Variants in C5orf24 observed in about 807,000 individuals in gnomAD.
C5orf24 encodes chromosome 5 open reading frame 24.
In C5orf24, 4 loss-of-function variants were observed where a neutral mutation model predicts 9.8. The observed-to-expected ratio is 0.41, with a 90% CI of 0.20 to 0.93. The LOEUF (loss-of-function observed/expected upper bound fraction) is 0.93. Ranked by LOEUF, C5orf24 falls within the 40% of genes least tolerant of loss-of-function variation. The probability of loss-of-function intolerance (pLI) is 0.33; values close to 1 mark genes in which losing one functional copy is unlikely to be tolerated. For missense variants in C5orf24, 170 were observed against 236.9 expected (o/e 0.72, Z 1.85); for synonymous variants, 73 against 81.3 (o/e 0.90, Z 0.55).
Position 134,855,690 on chromosome 5 carries a change from C to T in C5orf24, c.*223C>T. ...TTGTACATAGGTTCAAGTGTAACAC[C>T]TAACTAAATCATTTTTCCTTTTCCT... On this transcript the variant is annotated 3_prime_UTR_variant, in exon 2 of 2. Transcript: ENST00000394976. 13 of 1,415,148 alleles carry T rather than the reference C, an allele frequency of 9.2e-6. No homozygotes were observed. Among genetic ancestry groups the T allele is most frequent in the Non-Finnish European group, 1.1e-5 (12 of 1,085,904 alleles). The allele number at this position is 1,415,148 out of a possible 1,614,324, so 87.7% of individuals were successfully genotyped here. A position where few individuals can be genotyped will look rare whatever the true frequency, so the allele number is the denominator to read the frequency against.
intron 1 of C5orf24, among the ~76,000 whole-genome samples, chr5:134,848,583 C>T (rs1270718087): frequency 2.7e-5 from 4 of 146,826 alleles, no homozygotes; most frequent in South Asian, 4.3e-4. Context: ...ATTGCTTGAA[C>T]CCGGGAGGTG....
rs1756391741 is a variant in C5orf24, at chr5:134,859,433, T to A, written c.*3966T>A. 1 of 166,980 alleles carries A rather than the reference T, an allele frequency of 6.0e-6. No homozygotes were observed. The highest frequency in any genetic ancestry group is 6.5e-5 in the Admixed American group (1 of 15,272). 10.3% of individuals were successfully genotyped at this position (166,980 alleles called of 1,614,324 possible). ...GTAATGTATTTAATTTTTGGAAAAT[T>A]TAATGCTATATAGTAAATCAAGTGT... On this transcript the variant is annotated 3_prime_UTR_variant, in exon 2 of 2. Transcript: ENST00000394976.
At chr5:134,842,387 G>A (rs972808748), upstream of C5orf24, among the ~76,000 whole-genome samples, 7 of 152,012 alleles carry the variant, frequency 4.6e-5, no homozygotes, top group Non-Finnish European at 1.0e-4. Flanking sequence ...CTACTCAGGA[G>A]GCTGAGGCAG....
At chr5:134,851,116 C>G (rs1756149596) in intron 1 of C5orf24, among the ~76,000 whole-genome samples, 1 of 150,440 alleles carries the variant, frequency 6.6e-6, no homozygotes, top group South Asian at 2.1e-4. Context: ...TTAGTAGAAA[C>G]AGGGTTTTGC....
chr5:134,845,941 C>T (rs928233669), upstream of C5orf24: 4 of 152,182 alleles, frequency 2.6e-5, no homozygotes, highest in African/African-American at 7.2e-5. Context: ...CGTGCGCGGC[C>T]CTCGCGAGCT....
At chr5:134,841,280 T>C (rs181858603), upstream of C5orf24, among the ~76,000 whole-genome samples, 1 of 152,158 alleles carries the variant, frequency 6.6e-6, no homozygotes, top group East Asian at 1.9e-4. Context: ...AAAATCTCAG[T>C]GATTTCTTTT....
At chr5:134,853,219 G>C (rs1315705969) in intron 1 of C5orf24, among the ~76,000 whole-genome samples, 1 of 151,916 alleles carries the variant, frequency 6.6e-6, no homozygotes, top group Non-Finnish European at 1.5e-5. Context: ...AAATTAGCCA[G>C]GCGTGGTGGC....
At chr5:134,854,801 A>G (rs1756263304) in intron 1 of C5orf24, 97 bp from the exon 2 acceptor site, 2 of 1,327,140 alleles carry the variant, frequency 1.5e-6, no homozygotes, top group Non-Finnish European at 2.1e-6. Context: ...TAGCCTGCAT[A>G]GTTGTTGGAA....
intron 1 of C5orf24, among the ~76,000 whole-genome samples, chr5:134,850,994 A>ATT (rs1561886558): frequency 1.4e-4 from 21 of 147,600 alleles, no homozygotes; most frequent in South Asian, 4.3e-4. Flanking sequence ...AGAAATACAT[A>ATT]TATTTATTTA....
intron 1 of C5orf24, among the ~76,000 whole-genome samples, chr5:134,853,862 C>G (rs1006621740): frequency 1.3e-5 from 2 of 152,190 alleles, no homozygotes; most frequent in Non-Finnish European, 2.9e-5. Context: ...GCGGGCAGAT[C>G]ACGAGGTCAG....
Position 134,857,347 on chromosome 5 carries a change from T to A in C5orf24, c.*1880T>A. 6.5e-7 allele frequency: 1 copy of A among 1,546,988 alleles called. No homozygotes were observed. Among genetic ancestry groups the A allele is most frequent in the Non-Finnish European group, 8.7e-7 (1 of 1,144,526 alleles). ...CAAATGGATGTCATGTTTCATACCT[T>A]TTTTATCAGGAAAAAAGCAGCAAGC... On this transcript the variant is annotated 3_prime_UTR_variant, in exon 2 of 2. Transcript: ENST00000394976.
upstream of C5orf24, among the ~76,000 whole-genome samples, chr5:134,842,163 G>T (rs1010641708): frequency 1.3e-5 from 2 of 152,100 alleles, no homozygotes; most frequent in Non-Finnish European, 2.9e-5. Context: ...GCACTATTTT[G>T]CATGGTTATA....
At chr5:134,846,300 G>C (rs1755991403) in intron 1 of C5orf24, 88 bp downstream of exon 1, 1 of 152,470 alleles carries the variant, frequency 6.6e-6, no homozygotes, top group South Asian at 2.1e-4. Context: ...GGGGAGAAGA[G>C]GCCTCCTGCC....
Position 134,855,692 on chromosome 5 carries a change from A to G in C5orf24, c.*225A>G. ...GTACATAGGTTCAAGTGTAACACCTAACTAAATCATTTTTCCTTTTCCTTT... is the reference window on the plus strand; with the variant it reads ...GTACATAGGTTCAAGTGTAACACCTGACTAAATCATTTTTCCTTTTCCTTT... On this transcript the variant is annotated 3_prime_UTR_variant, in exon 2 of 2. Coordinates refer to ENST00000394976, the MANE Select transcript of C5orf24 (RefSeq NM_001135586.1). The G allele has an allele frequency of 7.1e-7, 1 of 1,414,508 alleles. No homozygotes were observed. Among genetic ancestry groups the G allele is most frequent in the East Asian group, 2.7e-5 (1 of 36,982 alleles). 87.6% of individuals were successfully genotyped at this position (1,414,508 alleles called of 1,614,324 possible).
rs925551184 is a variant in C5orf24 at position 134,845,970 on chromosome 5, C to G, written c.-246C>G. 1 of 152,266 alleles carries G rather than the reference C, an allele frequency of 6.6e-6. No individual in the cohort carries two copies. The highest frequency in any genetic ancestry group is 1.5e-5 in the Non-Finnish European group (1 of 68,082). The allele number at this position is 152,266 out of a possible 1,614,324, so 9.4% of individuals were successfully genotyped here. The stretch of plus-strand genomic sequence containing the variant: ...GCGAGCTCGCGCACGCCGCCTCTAA[C>G]ACTACAGGGTGGTAGCGGCCTCTTC... On this transcript the variant is annotated 5_prime_UTR_variant, in exon 1 of 2. Transcript: ENST00000394976.
chr5:134,835,986 T>G, the C5orf24 span, among the ~76,000 whole-genome samples: 1 of 151,478 alleles, frequency 6.6e-6, no homozygotes, highest in Non-Finnish European at 1.5e-5. Context: ...CGCACCTGGA[T>G]TTTTTTTTCT....
rs899319674 is a variant in C5orf24, at chr5:134,858,743, G to T, written c.*3276G>T. On this transcript the variant is annotated 3_prime_UTR_variant, in exon 2 of 2. Transcript: ENST00000394976. ...TAACCTTGCATAAGTAGTATTTAGGGTGATTTTGATACTATCTTTAGAGTT... is the reference window on the plus strand; with the variant it reads ...TAACCTTGCATAAGTAGTATTTAGGTTGATTTTGATACTATCTTTAGAGTT... The T allele has an allele frequency of 6.0e-6, 1 of 166,768 alleles. No individual in the cohort carries two copies. The highest frequency in any genetic ancestry group is 1.5e-5 in the Non-Finnish European group (1 of 68,044). 10.3% of individuals were successfully genotyped at this position (166,768 alleles called of 1,614,324 possible).
At chr5:134,853,267 A>C (rs1756210321) in intron 1 of C5orf24, among the ~76,000 whole-genome samples, 1 of 151,774 alleles carries the variant, frequency 6.6e-6, no homozygotes, top group South Asian at 2.1e-4. Context: ...AGGCTGAGGC[A>C]GGAGAATCGC....
At chr5:134,833,897 A>T in the C5orf24 span, among the ~76,000 whole-genome samples, 1 of 152,150 alleles carries the variant, frequency 6.6e-6, no homozygotes, top group Non-Finnish European at 1.5e-5. Context: ...TCTCTTCCAA[A>T]TATGGCAACA....
Sources: allele counts gnomAD v4.1 joint callset (sites outside exome capture counted in the v4.1 genomes callset), GRCh38; gene constraint gnomAD v4.1.1; transcripts MANE v1.5; gene names NCBI Gene and HGNC (gene_info 2026-07-23, HGNC 2026-07-21).